The following BDH2 variants were observed in gnomAD, a reference collection of about 807,000 sequenced individuals.
The protein encoded by BDH2 is 3-hydroxybutyrate dehydrogenase 2, also known as dehydrogenase/reductase SDR family member 6.
A neutral mutation model predicts 33.2 loss-of-function variants in BDH2; 24 were observed. That is an observed-to-expected ratio of 0.72 (90% CI 0.52 to 1.02). BDH2 has a LOEUF of 1.02. BDH2 is among the 50% of genes least tolerant of loss of function. The pLI is 0.00. For synonymous variants in BDH2, 81 were observed against 101.6 expected (o/e 0.80, Z 1.22); for missense variants, 249 against 301.6 (o/e 0.83, Z 1.29).
At chr4:103,094,618 G>A (rs1257422961) in intron 3 of BDH2, among the ~76,000 whole-genome samples, 2 of 151,548 alleles carry the variant, frequency 1.3e-5, no homozygotes, top group South Asian at 2.1e-4. Flanking sequence ...GCAAAGAGGA[G>A]AAAATTAATG....
At chr4:103,082,767 C>A (rs1179051761) in intron 8 of BDH2, 104 bp downstream of exon 8, 10 of 1,006,426 alleles carry the variant, frequency 9.9e-6, no homozygotes, top group Admixed American at 1.7e-5. Flanking sequence ...AAGCCCCTGG[C>A]AACTACCATT....
chr4:103,098,654 T>G (rs1056861436), intron 1 of BDH2: 3 of 152,194 alleles, frequency 2.0e-5, no homozygotes, highest in African/African-American at 7.2e-5. Context: ...CTTGCTGAAG[T>G]TCTCTTAGAC....
intron 6 of BDH2, 185 bp downstream of exon 6, chr4:103,086,295 C>A: frequency 7.6e-7 from 1 of 1,317,884 alleles, no homozygotes; most frequent in Non-Finnish European, 9.6e-7. Context: ...TTTAATTTTA[C>A]CACTGGCTCA....
chr4:103,079,596 T>C lies in BDH2; in HGVS notation c.*106A>G. 1 of 1,098,782 alleles carries C rather than the reference T, an allele frequency of 9.1e-7. No homozygotes were observed. Among genetic ancestry groups the C allele is most frequent in the Non-Finnish European group, 1.4e-6 (1 of 729,896 alleles). The allele number at this position is 1,098,782 out of a possible 1,614,324, so 68.1% of individuals were successfully genotyped here. ...ATCATTAAAAAGAGCTTATTTTCAT[T>C]AACATGTGATTAACAGGAAGGAGAT... On this transcript the variant is annotated 3_prime_UTR_variant, in exon 10 of 10. Transcript: ENST00000296424.
chr4:103,099,024 A>G (rs1748531844), intron 1 of BDH2: 1 of 152,208 alleles, frequency 6.6e-6, no homozygotes, highest in Non-Finnish European at 1.5e-5. Context: ...CACAAAAGAT[A>G]AACATGGAAT....
intron 3 of BDH2, among the ~76,000 whole-genome samples, chr4:103,094,190 T>C (rs1376529297): frequency 6.6e-6 from 1 of 152,182 alleles, no homozygotes; most frequent in East Asian, 1.9e-4. Context: ...CTAAGCTGTC[T>C]CCAGCCACAT....
rs150967922 is a variant in BDH2, at chr4:103,086,418, C to T, written c.418+62G>A. ...AATCTCTGCTATGCCTGTTCCCAAA[C>T]GCAGAGCTCTTAATGATGTGCGTGT... On this transcript the variant is annotated intron_variant, in intron 6 of 9. Coordinates refer to ENST00000296424, the MANE Select transcript of BDH2 (RefSeq NM_020139.4). 170 of 1,560,980 alleles carry T rather than the reference C, an allele frequency of 1.1e-4. No individual in the cohort carries two copies. In the African/African-American group the frequency reaches 1.9e-3, roughly 17 times the overall value.
chr4:103,085,268 C>G, intron 7 of BDH2, 81 bp downstream of exon 7: 1 of 1,064,606 alleles, frequency 9.4e-7, no homozygotes, highest in Non-Finnish European at 1.4e-6. Context: ...ATGAAAACAG[C>G]CATAGGCAAT....
At chr4:103,093,647 T>G (rs932672057) in intron 3 of BDH2, among the ~76,000 whole-genome samples, 1 of 147,680 alleles carries the variant, frequency 6.8e-6, no homozygotes, top group East Asian at 1.9e-4. Context: ...GAATAATACA[T>G]ATAATATATA....
At chr4:103,087,565 CTTCAGAA>C (rs957709920) in intron 5 of BDH2, among the ~76,000 whole-genome samples, 3 of 152,176 alleles carry the variant, frequency 2.0e-5, no homozygotes, top group African/African-American at 7.2e-5. Flanking sequence ...AGAACACCTT[CTTCAGAA>C]TTCCCCCACT....
At chr4:103,094,777 T>C (rs1335038735) in intron 3 of BDH2, among the ~76,000 whole-genome samples, 1 of 152,110 alleles carries the variant, frequency 6.6e-6, no homozygotes, top group Non-Finnish European at 1.5e-5. Flanking sequence ...TAATTTTCAC[T>C]TGATTCTTTT....
intron 8 of BDH2, 124 bp downstream of exon 8, chr4:103,082,747 C>G: frequency 1.2e-6 from 1 of 819,006 alleles, no homozygotes; most frequent in Non-Finnish European, 2.1e-6. Context: ...CTACTCTTTT[C>G]CCTCCTTCCA....
chr4:103,080,217 A>G (rs1578496983), intron 9 of BDH2, among the ~76,000 whole-genome samples: 1 of 152,364 alleles, frequency 6.6e-6, no homozygotes, highest in South Asian at 2.1e-4. Flanking sequence ...TAGTTGATCA[A>G]TTATAAGTGG....
In BDH2 at chr4:103,096,189, A is replaced by G; in HGVS notation, c.66T>C (p.Ala22=). Residue 22 remains alanine, a synonymous_variant, in exon 2 of 10, where the codon GCT becomes GCC. Transcript: ENST00000296424. ...ATAGTAACTTATAACTTACTAAGGC[A>G]GCTGCTTGGCCAATCCCCTGAGCAG... The part of the protein sequence containing the change: ...TAAAQGIGQA[A]ALAFAREGAK... 6.2e-7 allele frequency: 1 copy of G among 1,611,790 alleles called. No individual in the cohort carries two copies. Among genetic ancestry groups the G allele is most frequent in the Non-Finnish European group, 8.5e-7 (1 of 1,178,100 alleles).
intron 1 of BDH2, among the ~76,000 whole-genome samples, chr4:103,097,432 G>A (rs1363868438): frequency 6.6e-6 from 1 of 152,152 alleles, no homozygotes; most frequent in Non-Finnish European, 1.5e-5. Flanking sequence ...AGTGAGGCTG[G>A]GGGTGGAGAA....
chr4:103,089,141 A>T (rs1747947972), intron 5 of BDH2, among the ~76,000 whole-genome samples: 1 of 152,240 alleles, frequency 6.6e-6, no homozygotes, highest in Non-Finnish European at 1.5e-5. Flanking sequence ...GACCTTCCAG[A>T]GCTGCCTAGA....
At chr4:103,097,157 A>G (rs1479770463) in intron 1 of BDH2, among the ~76,000 whole-genome samples, 2 of 152,246 alleles carry the variant, frequency 1.3e-5, no homozygotes, top group African/African-American at 4.8e-5. Context: ...CAGATGAGGA[A>G]ACTGCTGAAA....
chr4:103,081,349 G>A (rs1747517160), intron 9 of BDH2, among the ~76,000 whole-genome samples: 1 of 152,184 alleles, frequency 6.6e-6, no homozygotes, highest in African/African-American at 2.4e-5. Context: ...CCAGGCTGGA[G>A]TGCAGTGGCG....
Position 103,082,163 on chromosome 4 carries a change from T to G in BDH2, c.602A>C (p.Asp201Ala). The G allele has an allele frequency of 6.2e-7, 1 of 1,613,966 alleles. No homozygotes were observed. The highest frequency in any genetic ancestry group is 8.5e-7 in the Non-Finnish European group (1 of 1,179,852). The change falls in exon 9 of 10, where the codon GAT becomes GCT. Residue 201 changes from aspartate to alanine, a missense_variant. By Grantham distance (126) the Asp-to-Ala change is moderately radical. Transcript: ENST00000296424. ...TCCCGTCTTTTGTCTCTTCAGGAAA[T>G]CATTCCGTGCCTGTGACCAGAGACC... Reference protein sequence around the residue: ...ARGNPEEARNDFLKRQKTGRF... With the variant: ...ARGNPEEARNAFLKRQKTGRF...
Sources: gnomAD v4.1 joint callset for allele counts (sites outside exome capture counted in the v4.1 genomes callset) on GRCh38, gnomAD v4.1.1 for gene constraint, MANE v1.5 for transcripts, NCBI Gene and HGNC (gene_info 2026-07-23, HGNC 2026-07-21) for gene names.